Variants in GTPBP10 observed in about 807,000 individuals in gnomAD.
GTPBP10 encodes the protein GTP-binding protein 10.
A neutral mutation model predicts 44.8 loss-of-function variants in GTPBP10; 38 were observed. That is an observed-to-expected ratio of 0.85 (90% CI 0.65 to 1.11). The LOEUF (loss-of-function observed/expected upper bound fraction) is 1.11, where lower values mean the gene tolerates loss of function less well. Ranked by LOEUF, GTPBP10 falls within the 50% of genes most tolerant of loss-of-function variation. The pLI is 0.00. For synonymous variants in GTPBP10, 152 were observed against 150.6 expected, an observed-to-expected ratio of 1.01 and a Z score of -0.07; for missense variants, 462 against 453.7, an observed-to-expected ratio of 1.02 and a Z score of -0.17.
chr7:90,358,999 A>G (rs907708641), intron 4 of GTPBP10, among the ~76,000 whole-genome samples: 1 of 152,200 alleles, frequency 6.6e-6, no homozygotes, highest in African/African-American at 2.4e-5. Flanking sequence ...AAAATGTTCA[A>G]CATCACTAAT....
At chr7:90,375,830 G>A (rs549838384) in intron 6 of GTPBP10, among the ~76,000 whole-genome samples, 23 of 152,184 alleles carry the variant, frequency 1.5e-4, no homozygotes, top group African/African-American at 4.8e-4. Flanking sequence ...GATGAGTGAT[G>A]CTTAGGCCCC....
At chr7:90,374,194 A>G (rs1796305679) in intron 5 of GTPBP10, 108 bp from the exon 6 acceptor site, 10 of 807,688 alleles carry the variant, frequency 1.2e-5, no homozygotes, top group Non-Finnish European at 1.7e-5. Flanking sequence ...AGCAAATTAG[A>G]ACAAAATCTG....
chr7:90,357,243 C>G (rs775544827), intron 4 of GTPBP10, among the ~76,000 whole-genome samples: 7 of 152,100 alleles, frequency 4.6e-5, no homozygotes, highest in Non-Finnish European at 7.4e-5. Context: ...CATCATCTTT[C>G]TATTCATACT....
intron 4 of GTPBP10, among the ~76,000 whole-genome samples, chr7:90,362,432 G>A (rs71557085): frequency 0.017 from 2,524 of 152,260 alleles, 34 homozygotes; most frequent in Non-Finnish European, 0.028. Context: ...TTTCCATGTA[G>A]TTGAGTGATT....
chr7:90,347,125 A>G (rs968861322), intron 1 of GTPBP10, among the ~76,000 whole-genome samples: 2 of 151,796 alleles, frequency 1.3e-5, no homozygotes, highest in African/African-American at 4.8e-5. Context: ...TTTCTCCTTG[A>G]GTGCGCTGTT....
chr7:90,381,253 G>A (rs1265720079), intron 8 of GTPBP10, among the ~76,000 whole-genome samples: 1 of 152,026 alleles, frequency 6.6e-6, no homozygotes, highest in East Asian at 1.9e-4. Flanking sequence ...CCCACTCAAC[G>A]GTGTTCAAGA....
In GTPBP10 at chr7:90,355,135, T is replaced by C; in HGVS notation, c.369T>C (p.Leu123=). The change falls in exon 4 of 10, where the codon CTT becomes CTC. Residue 123 remains leucine, a synonymous_variant. Coordinates refer to ENST00000222511, the MANE Select transcript of GTPBP10 (RefSeq NM_033107.4). The part of the protein sequence containing the change: ...NDRILVAQGG[L]GGKLLTNFLP... ...GAATTTTGGTAGCTCAAGGAGGTCT[T>C]GGTGGTAAATTACTTACAAATTTCT... The C allele has an allele frequency of 6.2e-7, 1 of 1,603,300 alleles. No homozygotes were observed. The highest frequency in any genetic ancestry group is 2.2e-5 in the East Asian group (1 of 44,518).
chr7:90,362,962 CT>C (rs1047376493), intron 4 of GTPBP10, among the ~76,000 whole-genome samples: 1 of 151,722 alleles, frequency 6.6e-6, no homozygotes, highest in African/African-American at 2.4e-5. Context: ...CAACCCCTGC[CT>C]TTTTTTTGTT....
intron 1 of GTPBP10, among the ~76,000 whole-genome samples, chr7:90,351,318 G>T (rs1396261437): frequency 6.6e-6 from 1 of 152,158 alleles, no homozygotes; most frequent in East Asian, 1.9e-4. Flanking sequence ...AGTAGCTCAT[G>T]CCTGTAATTC....
chr7:90,371,295 ATTAG>A (rs1276404127), intron 4 of GTPBP10: 1 of 319,696 alleles, frequency 3.1e-6, no homozygotes, highest in Non-Finnish European at 4.5e-6. Flanking sequence ...TCAATAGGAA[ATTAG>A]TTAAGTAAAT....
chr7:90,371,861 T>C (rs1484648620), intron 4 of GTPBP10, among the ~76,000 whole-genome samples: 2 of 151,794 alleles, frequency 1.3e-5, no homozygotes, highest in African/African-American at 4.9e-5. Context: ...TACAGGTGTT[T>C]TTCTTTTTTT....
At chr7:90,377,134 A>G (rs1796355943) in intron 6 of GTPBP10, among the ~76,000 whole-genome samples, 1 of 152,112 alleles carries the variant, frequency 6.6e-6, no homozygotes, top group Non-Finnish European at 1.5e-5. Flanking sequence ...TGAGGTGGGA[A>G]CATAGCTTGA....
chr7:90,353,347 C>T (rs1031481640), intron 2 of GTPBP10: 1 of 176,842 alleles, frequency 5.7e-6, no homozygotes, highest in South Asian at 1.5e-4. Flanking sequence ...CCATGCTACT[C>T]TACCCCACCA....
In GTPBP10 at chr7:90,365,147, A is replaced by T. The variant is rs561550830; in HGVS notation, c.465-7008A>T. ...CTGCACCCACTGTCCTGCACCCACT[A>T]TCCAACAAGCCCCAGTGAGATGAAC... On this transcript the variant is annotated intron_variant, in intron 4 of 9. Coordinates refer to ENST00000222511, the MANE Select transcript of GTPBP10 (RefSeq NM_033107.4). 2.8e-3 allele frequency among the ~76,000 whole-genome samples: 432 copies of T among 152,242 alleles called. 3 individuals carry two copies. Among genetic ancestry groups the T allele is most frequent in the African/African-American group, 9.7e-3 (405 of 41,570 alleles).
At chr7:90,371,038 A>C (rs1331767668) in intron 4 of GTPBP10, 1 of 152,492 alleles carries the variant, frequency 6.6e-6, no homozygotes, top group East Asian at 2.0e-4. Flanking sequence ...TAAATAAATA[A>C]ATAAATAAAT....
At chr7:90,351,496 A>G (rs773560319) in intron 1 of GTPBP10, among the ~76,000 whole-genome samples, 26 of 152,194 alleles carry the variant, frequency 1.7e-4, no homozygotes, top group Non-Finnish European at 3.5e-4. Context: ...TATTTTTTGC[A>G]CTCATAACAC....
chr7:90,372,076 C>T, intron 4 of GTPBP10, 79 bp from the exon 5 acceptor site: 1 of 815,864 alleles, frequency 1.2e-6, no homozygotes, highest in Non-Finnish European at 2.0e-6. Context: ...CAAATATATT[C>T]ATGAAGTCTA....
At chr7:90,378,577 C>G (rs1796384194) in intron 8 of GTPBP10, among the ~76,000 whole-genome samples, 1 of 152,152 alleles carries the variant, frequency 6.6e-6, no homozygotes. Context: ...GCTCTTTTTT[C>G]TCATCCTTTA....
chr7:90,391,120 A>G lies in GTPBP10; in HGVS notation c.*5966A>G, dbSNP rs559172588. 2.6e-5 allele frequency: 4 copies of G among 152,224 alleles called. No homozygotes were observed. Among genetic ancestry groups the G allele is most frequent in the Non-Finnish European group, 5.9e-5 (4 of 68,044 alleles). 9.4% of individuals were successfully genotyped at this position (152,224 alleles called of 1,614,324 possible). ...CAGGAAGTGGTACCACTCTGGGGTC[A>G]AGAGAAATTGTAAGAACAATAAAAT... On this transcript the variant is annotated 3_prime_UTR_variant, in exon 10 of 10. Transcript: ENST00000222511.
Sources: allele counts gnomAD v4.1 joint callset (sites outside exome capture counted in the v4.1 genomes callset), GRCh38; gene constraint gnomAD v4.1.1; transcripts MANE v1.5; gene names NCBI Gene and HGNC (gene_info 2026-07-23, HGNC 2026-07-21).